Variants in PAPPA2 observed in about 807,000 individuals in gnomAD.
PAPPA2 encodes pappalysin 2, also known as pappalysin-2.
A neutral mutation model predicts 176.4 loss-of-function variants in PAPPA2; 86 were observed. That is an observed-to-expected ratio of 0.49 (90% CI 0.41 to 0.58). PAPPA2 has a LOEUF of 0.58. Ranked by LOEUF, PAPPA2 falls within the 20% of genes least tolerant of loss-of-function variation. The pLI is 0.00. For synonymous variants in PAPPA2, 809 were observed against 852.2 expected, an observed-to-expected ratio of 0.95 and a Z score of 0.88; for missense variants, 2,073 against 2,256.9, an observed-to-expected ratio of 0.92 and a Z score of 1.65.
At chr1:176,716,241 T>C (rs1447277915) in intron 12 of PAPPA2, among the ~76,000 whole-genome samples, 5 of 150,540 alleles carry the variant, frequency 3.3e-5, no homozygotes, top group African/African-American at 1.2e-4. Flanking sequence ...CTTTTTTTTT[T>C]TTTTTTTCTT....
intron 17 of PAPPA2, among the ~76,000 whole-genome samples, chr1:176,772,792 C>T (rs1162292873): frequency 1.3e-5 from 2 of 152,162 alleles, no homozygotes; most frequent in African/African-American, 2.4e-5. Flanking sequence ...AGTGAGTACC[C>T]AGGTAATCTT....
In PAPPA2 at chr1:176,625,021, A is replaced by G. The variant is rs148174342; in HGVS notation, c.1991+29426A>G. Among the ~76,000 whole-genome samples, 7 of 152,320 alleles carry G rather than the reference A, an allele frequency of 4.6e-5. 1 individual carries two copies. In the East Asian group the frequency reaches 7.7e-4, roughly 17 times the overall value. On this transcript the variant is annotated intron_variant, in intron 3 of 22. Transcript: ENST00000367662. ...CACAGGGATGATATCTGGGGTCTAC[A>G]TTGTGGGCGATTATTCAGATCAAAG...
At chr1:176,655,664 G>A (rs1045302518) in intron 3 of PAPPA2, among the ~76,000 whole-genome samples, 1 of 151,788 alleles carries the variant, frequency 6.6e-6, no homozygotes, top group Admixed American at 6.6e-5. Context: ...TGAAATGATA[G>A]ACAATGGAGA....
intron 14 of PAPPA2, among the ~76,000 whole-genome samples, chr1:176,746,837 T>C (rs1196755243): frequency 6.6e-6 from 1 of 152,200 alleles, no homozygotes; most frequent in African/African-American, 2.4e-5. Context: ...AATATCCATA[T>C]GGAAACTGGG....
chr1:176,500,389 A>G (rs368124723), intron 1 of PAPPA2, among the ~76,000 whole-genome samples: 2 of 151,420 alleles, frequency 1.3e-5, no homozygotes, highest in African/African-American at 4.8e-5. Flanking sequence ...AAACATTTCA[A>G]TTTCCTAATA....
At chr1:176,464,673 G>A (rs1180287005) in intron 1 of PAPPA2, among the ~76,000 whole-genome samples, 2 of 152,204 alleles carry the variant, frequency 1.3e-5, no homozygotes, top group African/African-American at 4.8e-5. Flanking sequence ...AATACCCCAG[G>A]TGCTGGACAT....
intron 12 of PAPPA2, among the ~76,000 whole-genome samples, chr1:176,721,045 C>T (rs1661591763): frequency 6.6e-6 from 1 of 152,218 alleles, no homozygotes; most frequent in African/African-American, 2.4e-5. Context: ...ATCTTCCTCT[C>T]TCAGTCTGCT....
In PAPPA2 at chr1:176,690,122, A is replaced by G. The variant is rs1440442923; in HGVS notation, c.2138-15A>G. The stretch of plus-strand genomic sequence containing the variant: ...ATTCTGTGCTCTGAAAGGCTTTTCA[A>G]AACTTTCATTGCAGGTGGCATTGTC... On this transcript the variant is annotated splice_polypyrimidine_tract_variant and intron_variant, in intron 4 of 22. Coordinates refer to ENST00000367662, the MANE Select transcript of PAPPA2 (RefSeq NM_020318.3). The G allele has an allele frequency of 3.2e-6, 5 of 1,585,510 alleles. No individual in the cohort carries two copies. Among genetic ancestry groups the G allele is most frequent in the Non-Finnish European group, 3.4e-6 (4 of 1,160,504 alleles).
At chr1:176,569,279 C>T (rs1652174384) in intron 2 of PAPPA2, among the ~76,000 whole-genome samples, 1 of 152,230 alleles carries the variant, frequency 6.6e-6, no homozygotes, top group South Asian at 2.1e-4. Flanking sequence ...GCCACAGATA[C>T]AGCACTCTCC....
rs77428918 is a variant in PAPPA2, at chr1:176,808,995, C to A, written c.5202+8863C>A. ...ACTCAATGAACTATTTAAAGTAAAT[C>A]TATGTGAGAATATCCTAAAAGTGTT... On this transcript the variant is annotated intron_variant, in intron 21 of 22. Coordinates refer to ENST00000367662, the MANE Select transcript of PAPPA2 (RefSeq NM_020318.3). 2.0e-5 allele frequency among the ~76,000 whole-genome samples: 3 copies of A among 152,070 alleles called. No individual in the cohort carries two copies. The East Asian group carries it at 5.8e-4, about 29-fold the overall frequency.
intron 3 of PAPPA2, among the ~76,000 whole-genome samples, chr1:176,662,313 C>A (rs1314552139): frequency 6.6e-6 from 1 of 152,094 alleles, no homozygotes; most frequent in Non-Finnish European, 1.5e-5. Flanking sequence ...AAGCATCTGG[C>A]ATACAGTCAG....
chr1:176,837,815 T>A (rs1667332908), intron 21 of PAPPA2, among the ~76,000 whole-genome samples: 1 of 152,232 alleles, frequency 6.6e-6, no homozygotes, highest in South Asian at 2.1e-4. Context: ...CAGATATTTT[T>A]AAATTTGGGA....
Position 176,679,948 on chromosome 1 carries a change from A to G in PAPPA2, c.2137+8833A>G, listed in dbSNP as rs184197074. Among the ~76,000 whole-genome samples, 20 of 152,312 alleles carry G rather than the reference A, an allele frequency of 1.3e-4. 1 individual carries two copies. The East Asian group carries it at 3.3e-3, about 25-fold the overall frequency. On this transcript the variant is annotated intron_variant, in intron 4 of 22. Transcript: ENST00000367662. The stretch of plus-strand genomic sequence containing the variant: ...ATGCCTGATGTTCAATAGGGACTCC[A>G]TAGATTTGTGTGGATTTTCTCACTT...
chr1:176,744,524 C>T (rs1175111818), intron 14 of PAPPA2, among the ~76,000 whole-genome samples: 1 of 152,144 alleles, frequency 6.6e-6, no homozygotes, highest in East Asian at 1.9e-4. Flanking sequence ...CGGCTTTTGC[C>T]ACTGGTTCCA....
intron 2 of PAPPA2, among the ~76,000 whole-genome samples, chr1:176,579,556 T>C (rs983563888): frequency 3.3e-5 from 5 of 152,194 alleles, no homozygotes; most frequent in African/African-American, 1.2e-4. Context: ...ATACATTTTT[T>C]TGAGTCAGAT....
At chr1:176,750,967 G>A (rs1056508173) in intron 14 of PAPPA2, among the ~76,000 whole-genome samples, 2 of 151,926 alleles carry the variant, frequency 1.3e-5, no homozygotes, top group African/African-American at 4.8e-5. Flanking sequence ...GGTTTTTATG[G>A]TTTTAGGTCT....
intron 1 of PAPPA2, among the ~76,000 whole-genome samples, chr1:176,495,548 A>G (rs182324116): frequency 1.3e-3 from 201 of 151,834 alleles, no homozygotes; most frequent in Admixed American, 2.5e-3. Context: ...AAAAAAAAAA[A>G]AAAAGAAAAG....
chr1:176,731,714 TAC>T (rs550280621), intron 12 of PAPPA2, among the ~76,000 whole-genome samples: 57 of 149,638 alleles, frequency 3.8e-4, no homozygotes, highest in African/African-American at 1.3e-3. Context: ...TGTGTATATA[TAC>T]ACACATATAT....
intron 1 of PAPPA2, among the ~76,000 whole-genome samples, chr1:176,489,976 C>T (rs956624930): frequency 1.3e-5 from 2 of 152,162 alleles, no homozygotes; most frequent in Non-Finnish European, 2.9e-5. Context: ...GAAACGACTT[C>T]AGACAGGAGC....
Sources: gnomAD v4.1 joint callset for allele counts (sites outside exome capture counted in the v4.1 genomes callset) on GRCh38, gnomAD v4.1.1 for gene constraint, MANE v1.5 for transcripts, NCBI Gene and HGNC (gene_info 2026-07-23, HGNC 2026-07-21) for gene names.